Variants in CLOCK observed in about 807,000 individuals in gnomAD.
CLOCK encodes clock circadian regulator.
A neutral mutation model predicts 118.4 loss-of-function variants in CLOCK; 43 were observed. The ratio of observed to expected loss-of-function variants is 0.36; its 90% CI spans 0.28 to 0.47. CLOCK has a LOEUF of 0.47. CLOCK is among the 20% of genes least tolerant of loss of function. CLOCK has a pLI of 1.00. For missense variants in CLOCK, 846 were observed against 999.9 expected, an observed-to-expected ratio of 0.85 and a Z score of 2.08; for synonymous variants, 326 against 339.2, an observed-to-expected ratio of 0.96 and a Z score of 0.43.
chr4:55,482,740 T>C lies in CLOCK; in HGVS notation c.46A>G (p.Arg16Gly), dbSNP rs955617116. The C allele has an allele frequency of 6.2e-7, 1 of 1,604,056 alleles. No homozygotes were observed. The highest frequency in any genetic ancestry group is 1.7e-5 in the Admixed American group (1 of 59,640). ...SCSKMSSIVD[R>G]DDSSIFDGLV... ...TAAAATAAGTCTTCAAAAACATACC[T>C]GTCAACAATCGAGCTCATTTTACTA... The change falls in exon 4 of 23, where the codon AGA (arginine) becomes GGA (glycine). Residue 16 changes from arginine (R) to glycine (G), a missense_variant and splice_region_variant. Physicochemically the swap from Arg to Gly is moderately radical, Grantham distance 125. Around this residue, in one of 4 missense-constraint regions of CLOCK, gnomAD observed 246 missense variants for 300.2 expected, o/e 0.82. Coordinates refer to ENST00000513440, the MANE Select transcript of CLOCK (RefSeq NM_004898.4).
chr4:55,546,756 G>A (rs1253963685), intron 1 of CLOCK, 26 bp downstream of exon 1: 1 of 152,022 alleles, frequency 6.6e-6, no homozygotes, highest in Non-Finnish European at 1.5e-5. Context: ...GGCAGGCCCT[G>A]GGCCCACCGG....
At chr4:55,443,072 G>C (rs1723504186) in intron 20 of CLOCK, among the ~76,000 whole-genome samples, 1 of 152,122 alleles carries the variant, frequency 6.6e-6, no homozygotes, top group Non-Finnish European at 1.5e-5. Flanking sequence ...ATGGGAACAG[G>C]CTTCCTGGTC....
intron 1 of CLOCK, among the ~76,000 whole-genome samples, chr4:55,515,806 G>A (rs913769438): frequency 7.9e-5 from 12 of 152,164 alleles, no homozygotes; most frequent in Admixed American, 3.9e-4. Context: ...TGTATTCCAC[G>A]CTATAAATTT....
At chr4:55,544,056 T>C (rs1177737873) in intron 1 of CLOCK, among the ~76,000 whole-genome samples, 1 of 152,028 alleles carries the variant, frequency 6.6e-6, no homozygotes, top group Non-Finnish European at 1.5e-5. Context: ...CTCCCAAAAT[T>C]ATATCTCATC....
chr4:55,494,758 G>C (rs1046478350), intron 2 of CLOCK, among the ~76,000 whole-genome samples: 1 of 151,576 alleles, frequency 6.6e-6, no homozygotes, highest in African/African-American at 2.4e-5. Flanking sequence ...GGCTTTGAAA[G>C]TGAAAGAAGG....
chr4:55,435,520 G>A lies in CLOCK; in HGVS notation c.2436C>T (p.Thr812=). 1 of 1,614,038 alleles carries A rather than the reference G, an allele frequency of 6.2e-7. No homozygotes were observed. The highest frequency in any genetic ancestry group is 1.3e-5 in the African/African-American group (1 of 75,024). The change falls in exon 23 of 23, where the codon ACC becomes ACT. Residue 812 remains threonine, a synonymous_variant. Coordinates refer to ENST00000513440, the MANE Select transcript of CLOCK (RefSeq NM_004898.4). The stretch of plus-strand genomic sequence containing the variant: ...GTTGCTGGTGATGTGACTGAGGGAA[G>A]GTGCTCTGTTGTAGAGGAAATGCAG... ...LSAAFPLQQS[T]FPQSHHQQHQ...
chr4:55,456,056 AT>A (rs2109787598), intron 12 of CLOCK, 53 bp from the exon 13 acceptor site: 1 of 1,379,450 alleles, frequency 7.2e-7, no homozygotes, highest in Admixed American at 1.8e-5. Flanking sequence ...AATAAGAAAT[AT>A]TTCAACTAGA....
At chr4:55,477,213 GA>G (rs879463076) in intron 6 of CLOCK, among the ~76,000 whole-genome samples, 9 of 148,600 alleles carry the variant, frequency 6.1e-5, no homozygotes, top group Admixed American at 2.0e-4. Context: ...ATCTGATTTT[GA>G]AAAAAAAAAT....
intron 18 of CLOCK, 72 bp from the exon 19 acceptor site, chr4:55,444,857 AAAGT>A (rs1321603553): frequency 1.0e-5 from 15 of 1,476,960 alleles, no homozygotes; most frequent in Non-Finnish European, 1.4e-5. Context: ...CACAACATGA[AAAGT>A]AAGCAGTATA....
chr4:55,483,212 G>C (rs1266762281), intron 3 of CLOCK, among the ~76,000 whole-genome samples: 1 of 152,062 alleles, frequency 6.6e-6, no homozygotes, highest in Non-Finnish European at 1.5e-5. Flanking sequence ...AGCAGGCTTT[G>C]GGCACATAAC....
intron 9 of CLOCK, 81 bp from the exon 10 acceptor site, chr4:55,459,342 A>C (rs1442468895): frequency 2.3e-6 from 2 of 853,840 alleles, no homozygotes; most frequent in Non-Finnish European, 3.9e-6. Context: ...AAGATCATAA[A>C]AGTTGTGTAA....
At chr4:55,448,590 G>GTGCA (rs1724094842) in intron 18 of CLOCK, among the ~76,000 whole-genome samples, 189 bp downstream of exon 18, 2 of 81,052 alleles carry the variant, frequency 2.5e-5, no homozygotes, top group South Asian at 5.7e-4. Flanking sequence ...ATGTGCGCGC[G>GTGCA]CGCACGCGCG....
intron 1 of CLOCK, among the ~76,000 whole-genome samples, chr4:55,538,029 T>C (rs1039778669): frequency 6.6e-6 from 1 of 152,088 alleles, no homozygotes; most frequent in African/African-American, 2.4e-5. Context: ...ATAAAATTAA[T>C]AAACTTCTAG....
intron 9 of CLOCK, among the ~76,000 whole-genome samples, chr4:55,460,767 G>GCC (rs1725274013): frequency 6.6e-6 from 1 of 151,974 alleles, no homozygotes; most frequent in African/African-American, 2.4e-5. Flanking sequence ...TATATTCTTC[G>GCC]GTTATTATCA....
intron 20 of CLOCK, among the ~76,000 whole-genome samples, chr4:55,443,475 C>CAAA (rs36064611): frequency 2.5e-5 from 3 of 120,022 alleles, no homozygotes; most frequent in Non-Finnish European, 3.4e-5. Context: ...AACTCCGTCT[C>CAAA]AAAAAAAAAA....
Position 55,433,238 on chromosome 4 carries a change from A to T in CLOCK, c.*2177T>A, listed in dbSNP as rs185455573. 6.5e-6 allele frequency: 1 copy of T among 152,794 alleles called. No homozygotes were observed. The highest frequency in any genetic ancestry group is 6.5e-5 in the Admixed American group (1 of 15,308). 9.5% of individuals were successfully genotyped at this position (152,794 alleles called of 1,614,324 possible). On this transcript the variant is annotated 3_prime_UTR_variant, in exon 23 of 23. Coordinates refer to ENST00000513440, the MANE Select transcript of CLOCK (RefSeq NM_004898.4). Reference sequence around the variant, plus strand: ...ATTCTGACAACTATTCTTGATATTCATGGGAATGTGGGAAATCTCTACTGG... The same window carrying T: ...ATTCTGACAACTATTCTTGATATTCTTGGGAATGTGGGAAATCTCTACTGG...
At chr4:55,489,240 T>C (rs1197327859) in intron 3 of CLOCK, 134 bp downstream of exon 3, 1 of 152,234 alleles carries the variant, frequency 6.6e-6, no homozygotes, top group African/African-American at 2.4e-5. Context: ...CTACGTTTGG[T>C]GGTAAATTAA....
intron 14 of CLOCK, 50 bp downstream of exon 14, chr4:55,453,627 T>C: frequency 6.5e-7 from 1 of 1,549,080 alleles, no homozygotes; most frequent in Non-Finnish European, 8.9e-7. Flanking sequence ...AATGCCAAAA[T>C]CATCATAGGA....
chr4:55,455,487 A>G (rs1724859684), intron 13 of CLOCK, among the ~76,000 whole-genome samples: 1 of 152,214 alleles, frequency 6.6e-6, no homozygotes, highest in African/African-American at 2.4e-5. Flanking sequence ...AGATAACACC[A>G]AGCACTTACT....
Sources: gnomAD v4.1 joint callset for allele counts (sites outside exome capture counted in the v4.1 genomes callset) on GRCh38, gnomAD v4.1.1 for gene constraint, gnomAD v4.1.1 regional missense constraint, MANE v1.5 for transcripts, NCBI Gene and HGNC (gene_info 2026-07-23, HGNC 2026-07-21) for gene names.